The following RB1 variants were observed in gnomAD, a reference collection of about 807,000 sequenced individuals.
RB1 encodes the protein retinoblastoma-associated protein.
RB1 carries 18 observed loss-of-function variants against 135.4 expected under a neutral mutation model. The observed-to-expected ratio is 0.13, with a 90% CI of 0.09 to 0.20. RB1 has a LOEUF of 0.20. Ranked by LOEUF, RB1 falls within the 10% of genes least tolerant of loss-of-function variation. The pLI, the probability that RB1 is intolerant of heterozygous loss-of-function variation, is 1.00. For missense variants in RB1, 868 were observed against 1,110.0 expected (o/e 0.78, Z 3.10); for synonymous variants, 365 against 373.2 (o/e 0.98, Z 0.25).
rs1212283121 is a variant in RB1, at chr13:48,456,196, A to G, written c.1815-8A>G. On this transcript the variant is annotated splice_polypyrimidine_tract_variant and splice_region_variant and intron_variant, in intron 18 of 26. Transcript: ENST00000267163. Reference sequence around the variant, plus strand: ...TGAAATGAAGACTTTTCCTTTAAATATATCTAGGTATCTTTCTCCTGTAAG... The same window carrying G: ...TGAAATGAAGACTTTTCCTTTAAATGTATCTAGGTATCTTTCTCCTGTAAG... 3 of 1,614,016 alleles carry G rather than the reference A, an allele frequency of 1.9e-6. No individual in the cohort carries two copies. The highest frequency in any genetic ancestry group is 2.5e-6 in the Non-Finnish European group (3 of 1,179,938).
chr13:48,365,488 C>A (rs980988960), intron 9 of RB1, among the ~76,000 whole-genome samples: 5 of 152,280 alleles, frequency 3.3e-5, no homozygotes, highest in Non-Finnish European at 7.4e-5. Context: ...ATCCATCTAC[C>A]TGTTTTGTTT....
At chr13:48,413,736 A>G (rs942516388) in intron 17 of RB1, among the ~76,000 whole-genome samples, 4 of 152,132 alleles carry the variant, frequency 2.6e-5, no homozygotes, top group Admixed American at 2.0e-4. Flanking sequence ...TAAATTTTTA[A>G]ATTACTCATT....
intron 26 of RB1, among the ~76,000 whole-genome samples, chr13:48,479,227 C>CAA (rs879265757): frequency 3.5e-5 from 5 of 143,866 alleles, no homozygotes; most frequent in African/African-American, 1.0e-4. Context: ...GACCTTGTCT[C>CAA]AAAAAAAAAA....
rs981677853 is a variant in RB1 at position 48,325,650 on chromosome 13, A to G, written c.265-16949A>G. On this transcript the variant is annotated intron_variant, in intron 2 of 26. Transcript: ENST00000267163. ...TTTCATTTAGCAATATATCTTGAAGAGCACATCTCCCTCTGTATTTAGCTT... is the reference window on the plus strand; with the variant it reads ...TTTCATTTAGCAATATATCTTGAAGGGCACATCTCCCTCTGTATTTAGCTT... 2.0e-5 allele frequency among the ~76,000 whole-genome samples: 3 copies of G among 152,182 alleles called. No homozygotes were observed. The South Asian group carries it at 6.2e-4, about 32-fold the overall frequency.
chr13:48,317,387 A>T (rs1816926267), intron 2 of RB1: 2 of 384,048 alleles, frequency 5.2e-6, no homozygotes, highest in South Asian at 3.6e-5. Context: ...CGCAGCGCGC[A>T]CGGGTTCCGG....
chr13:48,409,152 T>C lies in RB1; in HGVS notation c.1695+27709T>C, dbSNP rs529265933. 3.5e-3 allele frequency among the ~76,000 whole-genome samples: 511 copies of C among 146,022 alleles called. 6 individuals are homozygous for C. The highest frequency in any genetic ancestry group is 0.012 in the African/African-American group (478 of 40,302). On this transcript the variant is annotated intron_variant, in intron 17 of 26. Transcript: ENST00000267163. Reference sequence around the variant, plus strand: ...TTTTTGGGTTTTTTTTCTTTTCTCTTTTTTTTTTTTTTTTGAGATAGGATC... The same window carrying C: ...TTTTTGGGTTTTTTTTCTTTTCTCTCTTTTTTTTTTTTTTGAGATAGGATC...
At chr13:48,339,757 G>A (rs913813590) in intron 2 of RB1, among the ~76,000 whole-genome samples, 29 of 152,144 alleles carry the variant, frequency 1.9e-4, no homozygotes, top group African/African-American at 6.3e-4. Context: ...CCTGTCTTCT[G>A]CATCGCTCAC....
In RB1 at chr13:48,465,327, A is replaced by G. The variant is rs2138346055; in HGVS notation, c.2448A>G (p.Ser816=). The G allele has an allele frequency of 6.2e-7, 1 of 1,611,012 alleles. No homozygotes were observed. Among genetic ancestry groups the G allele is most frequent in the Non-Finnish European group, 8.5e-7 (1 of 1,177,164 alleles). ...CCCTGAAGAGTCCATATAAAATTTC[A>G]GAAGGTCTGCCAACACCAACAAAAA... is the stretch of plus-strand genomic sequence containing the variant. The part of the protein sequence containing the change: ...ISPLKSPYKI[S]EGLPTPTKMT... Residue 816 remains serine, a synonymous_variant, in exon 23 of 27, where the codon TCA becomes TCG. Transcript: ENST00000267163.
intron 2 of RB1, among the ~76,000 whole-genome samples, chr13:48,329,324 T>C (rs1196912331): frequency 6.6e-6 from 1 of 152,222 alleles, no homozygotes; most frequent in East Asian, 1.9e-4. Flanking sequence ...TTCACCCACA[T>C]TGAATCTGTG....
intron 17 of RB1, chr13:48,406,495 G>A (rs1199805193): frequency 6.6e-6 from 1 of 152,090 alleles, no homozygotes; most frequent in African/African-American, 2.4e-5. Flanking sequence ...TTTTCTTGCT[G>A]AAGACAAATG....
intron 17 of RB1, among the ~76,000 whole-genome samples, chr13:48,438,687 C>G (rs1949207488): frequency 6.6e-6 from 1 of 152,054 alleles, no homozygotes; most frequent in Non-Finnish European, 1.5e-5. Context: ...CCTTGTCTAC[C>G]TTTCTTCACT....
In RB1 at chr13:48,397,125, C is replaced by G. The variant is rs116874061; in HGVS notation, c.1695+15682C>G. ...ATCTAGAGCCAGAAATAATATTTGA[C>G]CCAGTAATCCCATTACTGAGCATAT... On this transcript the variant is annotated intron_variant, in intron 17 of 26. Coordinates refer to ENST00000267163, the MANE Select transcript of RB1 (RefSeq NM_000321.3). Among the ~76,000 whole-genome samples the G allele has an allele frequency of 5.5e-4, 83 of 152,276 alleles. No homozygotes were observed. In the East Asian group the frequency reaches 0.015, roughly 28 times the overall value.
chr13:48,429,171 C>T (rs113594914), intron 17 of RB1: 6 of 152,188 alleles, frequency 3.9e-5, no homozygotes, highest in East Asian at 3.9e-4. Context: ...AAACCAAGTT[C>T]GGTGCTTTGA....
At chr13:48,346,065 C>T (rs992213604) in intron 4 of RB1, among the ~76,000 whole-genome samples, 2 of 146,146 alleles carry the variant, frequency 1.4e-5, no homozygotes, top group African/African-American at 5.0e-5. Context: ...TTTCTTGCCC[C>T]TGGTTTTAAT....
chr13:48,380,667 T>C (rs995277586), intron 16 of RB1, among the ~76,000 whole-genome samples: 2 of 152,178 alleles, frequency 1.3e-5, no homozygotes, highest in Admixed American at 6.5e-5. Context: ...TACAATGTTT[T>C]TAAAAACATA....
At chr13:48,366,497 T>A (rs1200171630) in intron 9 of RB1, among the ~76,000 whole-genome samples, 1 of 152,188 alleles carries the variant, frequency 6.6e-6, no homozygotes, top group South Asian at 2.1e-4. Flanking sequence ...TTCTCTGAGG[T>A]TGGAATCACT....
At chr13:48,410,944 T>A (rs544378008) in intron 17 of RB1, 1 of 152,314 alleles carries the variant, frequency 6.6e-6, no homozygotes, top group Non-Finnish European at 1.5e-5. Context: ...TCTTTCTCAT[T>A]TGTTAATCAT....
chr13:48,347,413 C>A (rs1952508050), intron 4 of RB1, among the ~76,000 whole-genome samples: 1 of 152,064 alleles, frequency 6.6e-6, no homozygotes, highest in South Asian at 2.1e-4. Context: ...CTTTGCCCTG[C>A]AGGCAGTGGA....
intron 6 of RB1, 138 bp from the exon 7 acceptor site, chr13:48,359,879 A>G: frequency 7.5e-7 from 1 of 1,337,784 alleles, no homozygotes; most frequent in Non-Finnish European, 9.8e-7. Flanking sequence ...TTTTTACAAA[A>G]AAAAGAAAGA....
Sources: gnomAD v4.1 joint callset for allele counts (sites outside exome capture counted in the v4.1 genomes callset) on GRCh38, gnomAD v4.1.1 for gene constraint, MANE v1.5 for transcripts, NCBI Gene and HGNC (gene_info 2026-07-23, HGNC 2026-07-21) for gene names.